KCNB2: variants seen among roughly 807,000 people sequenced by gnomAD.
The protein encoded by KCNB2 is potassium voltage-gated channel subfamily B member 2.
Under a neutral mutation model 61.5 loss-of-function variants are expected in KCNB2, and 15 were observed. The ratio of observed to expected loss-of-function variants is 0.24; its 90% CI spans 0.16 to 0.38. The LOEUF is 0.38. KCNB2 is among the 10% of genes least tolerant of loss of function. The pLI is 1.00. For synonymous variants in KCNB2, 457 were observed against 446.0 expected (o/e 1.02, Z -0.31); for missense variants, 828 against 1,125.2 (o/e 0.74, Z 3.78).
intron 2 of KCNB2, among the ~76,000 whole-genome samples, chr8:72,776,475 TAC>T (rs1808655443): frequency 6.6e-6 from 1 of 152,226 alleles, no homozygotes; most frequent in Admixed American, 6.5e-5. Flanking sequence ...TGTTCTAATT[TAC>T]ATATGTTTGG....
intron 2 of KCNB2, among the ~76,000 whole-genome samples, chr8:72,924,074 T>A (rs1231122683): frequency 6.6e-6 from 1 of 152,028 alleles, no homozygotes; most frequent in East Asian, 1.9e-4. Flanking sequence ...AGGATGAGGG[T>A]CAAGTCATCC....
chr8:72,897,003 G>A (rs111921352), intron 2 of KCNB2, among the ~76,000 whole-genome samples: 1 of 152,086 alleles, frequency 6.6e-6, no homozygotes, highest in African/African-American at 2.4e-5. Context: ...ACAGACTAGG[G>A]TTGTGCTTGC....
At chr8:72,770,037 C>G (rs1808534745) in intron 2 of KCNB2, among the ~76,000 whole-genome samples, 1 of 152,198 alleles carries the variant, frequency 6.6e-6, no homozygotes, top group South Asian at 2.1e-4. Context: ...CAGAGGCCAA[C>G]CAACTCTCAT....
chr8:72,657,386 T>C (rs1191812850), intron 2 of KCNB2, among the ~76,000 whole-genome samples: 1 of 152,172 alleles, frequency 6.6e-6, no homozygotes, highest in African/African-American at 2.4e-5. Flanking sequence ...GTTAATAACA[T>C]ATTAATCTTA....
intron 2 of KCNB2, among the ~76,000 whole-genome samples, chr8:72,630,705 T>C (rs2128984925): frequency 1.3e-5 from 2 of 152,354 alleles, no homozygotes; most frequent in Admixed American, 1.3e-4. Flanking sequence ...ACTTTAGCTA[T>C]GTTCTTCTTA....
chr8:72,921,368 G>A (rs994759415), intron 2 of KCNB2, among the ~76,000 whole-genome samples: 4 of 152,100 alleles, frequency 2.6e-5, no homozygotes, highest in African/African-American at 7.2e-5. Flanking sequence ...GTGAAAAAAT[G>A]CTGTTCTGAT....
chr8:72,602,972 A>G (rs1805377691), intron 2 of KCNB2, among the ~76,000 whole-genome samples: 1 of 151,534 alleles, frequency 6.6e-6, no homozygotes, highest in South Asian at 2.1e-4. Flanking sequence ...AAAAGGCGGC[A>G]TGCCCGCTGA....
At chr8:72,571,934 C>T (rs555598805) in intron 2 of KCNB2, among the ~76,000 whole-genome samples, 37 of 152,298 alleles carry the variant, frequency 2.4e-4, no homozygotes, top group Admixed American at 9.2e-4. Context: ...TTTCCTTGGC[C>T]TCTTCCCAAA....
chr8:72,715,418 A>T (rs1193629989), intron 2 of KCNB2, among the ~76,000 whole-genome samples: 1 of 151,740 alleles, frequency 6.6e-6, no homozygotes, highest in East Asian at 1.9e-4. Context: ...GAAGTAAAGC[A>T]CTCCTCAGCA....
At chr8:72,859,810 C>G (rs1051640786) in intron 2 of KCNB2, among the ~76,000 whole-genome samples, 5 of 147,858 alleles carry the variant, frequency 3.4e-5, no homozygotes, top group African/African-American at 9.9e-5. Context: ...ACCTCCGCCC[C>G]CTGGGTTCAA....
intron 2 of KCNB2, among the ~76,000 whole-genome samples, chr8:72,862,817 C>A (rs1366357594): frequency 6.6e-6 from 1 of 152,078 alleles, no homozygotes; most frequent in Non-Finnish European, 1.5e-5. Flanking sequence ...ACTAATGAGC[C>A]CTTATTATGT....
intron 2 of KCNB2, among the ~76,000 whole-genome samples, chr8:72,614,528 TG>T (rs975556548): frequency 6.6e-6 from 1 of 152,126 alleles, no homozygotes; most frequent in African/African-American, 2.4e-5. Context: ...CACAGTGAAA[TG>T]GGGGATTGAG....
intron 2 of KCNB2, among the ~76,000 whole-genome samples, chr8:72,669,138 T>G (rs1045192505): frequency 6.6e-6 from 1 of 152,198 alleles, no homozygotes; most frequent in African/African-American, 2.4e-5. Context: ...CTGCCCACTT[T>G]CTGAAGGAAT....
chr8:72,548,044 T>G (rs958887803), intron 1 of KCNB2, among the ~76,000 whole-genome samples: 5 of 152,094 alleles, frequency 3.3e-5, no homozygotes, highest in African/African-American at 1.2e-4. Context: ...CATTAGCAAA[T>G]AGATTACAAT....
chr8:72,592,160 A>G (rs1160382661), intron 2 of KCNB2, among the ~76,000 whole-genome samples: 1 of 152,030 alleles, frequency 6.6e-6, no homozygotes, highest in Non-Finnish European at 1.5e-5. Context: ...AGAAACATAG[A>G]AAGAGAGAGT....
chr8:72,627,642 T>C (rs544611889), intron 2 of KCNB2, among the ~76,000 whole-genome samples: 1 of 152,260 alleles, frequency 6.6e-6, no homozygotes, highest in Admixed American at 6.5e-5. Context: ...AATGTGCAAA[T>C]TGCACACAGG....
intron 2 of KCNB2, among the ~76,000 whole-genome samples, chr8:72,716,482 T>C (rs1432928003): frequency 6.6e-6 from 1 of 152,228 alleles, no homozygotes; most frequent in African/African-American, 2.4e-5. Flanking sequence ...GTGGGCTTCA[T>C]CCCTGGGATG....
chr8:72,541,534 C>CACCA lies in KCNB2; in HGVS notation c.-94+3650_-94+3651insCCAA, dbSNP rs937135299. Among the ~76,000 whole-genome samples the CACCA allele has an allele frequency of 5.9e-5, 9 of 152,132 alleles. 1 individual carries two copies. The South Asian group carries it at 8.3e-4, about 14-fold the overall frequency. On this transcript the variant is annotated intron_variant, in intron 1 of 2. Coordinates refer to ENST00000523207, the MANE Select transcript of KCNB2 (RefSeq NM_004770.3). ...CAGAAGTGTTAAAAACGAGCCCAGG[C>CACCA]AGAACAAGAAAAAATGCTTGCAGTT...
chr8:72,896,889 A>C (rs1051993606), intron 2 of KCNB2, among the ~76,000 whole-genome samples: 2 of 152,052 alleles, frequency 1.3e-5, no homozygotes, highest in Non-Finnish European at 2.9e-5. Context: ...CTTTATTTTC[A>C]CTCTCATTGT....
Sources: allele counts gnomAD v4.1 joint callset (sites outside exome capture counted in the v4.1 genomes callset), GRCh38; gene constraint gnomAD v4.1.1; transcripts MANE v1.5; gene names NCBI Gene and HGNC (gene_info 2026-07-23, HGNC 2026-07-21).